The following TMCO6 variants were observed in gnomAD, a reference collection of about 807,000 sequenced individuals.
TMCO6 encodes the protein transmembrane and coiled-coil domain-containing protein 6.
Under a neutral mutation model 61.8 loss-of-function variants are expected in TMCO6, and 47 were observed. That is an observed-to-expected ratio of 0.76 (90% CI 0.60 to 0.97). The LOEUF (loss-of-function observed/expected upper bound fraction) is 0.97. Ranked by LOEUF, TMCO6 falls within the 50% of genes least tolerant of loss-of-function variation. The pLI, the probability that TMCO6 is intolerant of heterozygous loss-of-function variation, is 0.00. For synonymous variants in TMCO6, 261 were observed against 254.2 expected, an observed-to-expected ratio of 1.03 and a Z score of -0.25; for missense variants, 557 against 601.6, an observed-to-expected ratio of 0.93 and a Z score of 0.78.
the TMCO6 span, among the ~76,000 whole-genome samples, chr5:140,610,974 G>C: frequency 3.3e-5 from 5 of 151,952 alleles, no homozygotes; most frequent in Non-Finnish European, 5.9e-5. Flanking sequence ...AAATAATCAC[G>C]TGGTTTTTTA....
chr5:140,612,577 G>T, the TMCO6 span, among the ~76,000 whole-genome samples: 44,086 of 151,516 alleles, frequency 0.29, 6,530 homozygotes, highest in African/African-American at 0.32. Flanking sequence ...GCGACCTCGT[G>T]ATCCACCCGC....
At chr5:140,642,216 T>C in intron 4 of TMCO6, 99 bp from the exon 5 acceptor site, 1 of 1,392,046 alleles carries the variant, frequency 7.2e-7, no homozygotes, top group East Asian at 2.3e-5. Context: ...GCCGCAAGGA[T>C]AGCTGCTCCA....
rs1212620960 is a variant in TMCO6, at chr5:140,645,290, G to A, written c.*192G>A. ...AGGCAGGAGGACCAAAAGGGACTCA[G>A]TGTGGTCTACTTACTCTGGGGCCCT... On this transcript the variant is annotated 3_prime_UTR_variant, in exon 12 of 12. Coordinates refer to ENST00000394671, the MANE Select transcript of TMCO6 (RefSeq NM_018502.5). The A allele has an allele frequency of 5.6e-6, 4 of 712,184 alleles. No homozygotes were observed. The highest frequency in any genetic ancestry group is 7.3e-6 in the Non-Finnish European group (3 of 413,526). The allele number at this position is 712,184 out of a possible 1,614,324, so 44.1% of individuals were successfully genotyped here.
At chr5:140,634,240 C>T in the TMCO6 span, among the ~76,000 whole-genome samples, 1 of 152,128 alleles carries the variant, frequency 6.6e-6, no homozygotes, top group Admixed American at 6.5e-5. Flanking sequence ...CTGCCCTCCC[C>T]TCAGTACAAT....
the TMCO6 span, among the ~76,000 whole-genome samples, chr5:140,618,289 C>T: frequency 4.0e-5 from 6 of 151,726 alleles, no homozygotes; most frequent in African/African-American, 1.2e-4. Flanking sequence ...ATGAGCCAGG[C>T]GTGGTGGTGC....
At chr5:140,616,632 A>G in the TMCO6 span, among the ~76,000 whole-genome samples, 1 of 152,250 alleles carries the variant, frequency 6.6e-6, no homozygotes, top group African/African-American at 2.4e-5. Context: ...TCAGCAGAGT[A>G]AAAACGCAAT....
At chr5:140,609,048 C>T in the TMCO6 span, 1 of 152,268 alleles carries the variant, frequency 6.6e-6, no homozygotes, top group African/African-American at 2.4e-5. Flanking sequence ...AGCTAGGATT[C>T]TTATAAGACT....
upstream of TMCO6, among the ~76,000 whole-genome samples, chr5:140,635,524 G>A (rs1427765881): frequency 6.6e-6 from 1 of 152,198 alleles, no homozygotes; most frequent in African/African-American, 2.4e-5. Context: ...TGGGTGGGGA[G>A]TTCCAAGTTA....
chr5:140,620,400 G>A, the TMCO6 span, among the ~76,000 whole-genome samples: 2 of 152,246 alleles, frequency 1.3e-5, no homozygotes, highest in Non-Finnish European at 2.9e-5. Flanking sequence ...ACAGAGCACC[G>A]AAGCCTTTTA....
At chr5:140,645,550 G>A, downstream of TMCO6, 1 of 1,612,982 alleles carries the variant, frequency 6.2e-7, no homozygotes. Flanking sequence ...CAGAGCCCAG[G>A]CTCTGGGGCT....
At chr5:140,606,227 C>T in the TMCO6 span, among the ~76,000 whole-genome samples, 5 of 148,874 alleles carry the variant, frequency 3.4e-5, no homozygotes, top group South Asian at 2.1e-4. Context: ...CAGTGGTGTG[C>T]GGCCTTGAAC....
the TMCO6 span, among the ~76,000 whole-genome samples, chr5:140,604,102 T>C: frequency 6.6e-6 from 1 of 152,236 alleles, no homozygotes; most frequent in South Asian, 2.1e-4. Context: ...TCAATGATGT[T>C]GAACATCTTT....
chr5:140,622,658 A>G, the TMCO6 span, among the ~76,000 whole-genome samples: 5 of 152,004 alleles, frequency 3.3e-5, no homozygotes, highest in South Asian at 2.1e-4. Context: ...GGGAACAACG[A>G]AAATAAGAAA....
chr5:140,639,559 C>T lies in TMCO6; in HGVS notation c.32C>T (p.Pro11Leu), dbSNP rs1756879402. The part of the protein sequence containing the change: MWSRRQGRLR[P>L]TVCGVEELRR... ...AGCCGACGGCAGGGCCGCCTCAGGC[C>T]CACGGTCTGCGGGGTGGAGGAGCTA... The change falls in exon 1 of 12, where the codon CCC becomes CTC. Residue 11 changes from proline to leucine, a missense_variant. Transcript: ENST00000394671. 6.5e-7 allele frequency: 1 copy of T among 1,549,230 alleles called. No homozygotes were observed. The highest frequency in any genetic ancestry group is 8.7e-7 in the Non-Finnish European group (1 of 1,146,224).
chr5:140,639,560 C>T lies in TMCO6; in HGVS notation c.33C>T (p.Pro11=). 1 of 1,549,284 alleles carries T rather than the reference C, an allele frequency of 6.5e-7. No homozygotes were observed. The highest frequency in any genetic ancestry group is 8.7e-7 in the Non-Finnish European group (1 of 1,146,246). MWSRRQGRLR[P]TVCGVEELRR... ...GCCGACGGCAGGGCCGCCTCAGGCC[C>T]ACGGTCTGCGGGGTGGAGGAGCTAC... Residue 11 remains proline, a synonymous_variant, in exon 1 of 12, where the codon CCC becomes CCT. Transcript: ENST00000394671.
chr5:140,609,696 G>A, the TMCO6 span, among the ~76,000 whole-genome samples: 2 of 151,124 alleles, frequency 1.3e-5, no homozygotes, highest in African/African-American at 4.9e-5. Flanking sequence ...GGGGAGAATT[G>A]TCATCTTGAC....
chr5:140,627,162 C>G, the TMCO6 span, among the ~76,000 whole-genome samples: 3 of 151,960 alleles, frequency 2.0e-5, no homozygotes, highest in Non-Finnish European at 2.9e-5. Context: ...TGTTTCTCTA[C>G]TAGTCTCAAT....
the TMCO6 span, among the ~76,000 whole-genome samples, chr5:140,600,600 G>A: frequency 6.6e-6 from 1 of 151,818 alleles, no homozygotes; most frequent in African/African-American, 2.4e-5. Flanking sequence ...TGAGTAGCAG[G>A]GTTACAGGCA....
chr5:140,625,900 G>A, the TMCO6 span, among the ~76,000 whole-genome samples: 1 of 152,154 alleles, frequency 6.6e-6, no homozygotes, highest in Non-Finnish European at 1.5e-5. Context: ...ATAGGGAGTT[G>A]CTGACCATGT....
Sources: allele counts gnomAD v4.1 joint callset (sites outside exome capture counted in the v4.1 genomes callset), GRCh38; gene constraint gnomAD v4.1.1; transcripts MANE v1.5; gene names NCBI Gene and HGNC (gene_info 2026-07-23, HGNC 2026-07-21).